Variants in STXBP6 observed in about 807,000 individuals in gnomAD.
STXBP6 encodes the protein syntaxin-binding protein 6.
A neutral mutation model predicts 26.9 loss-of-function variants in STXBP6; 21 were observed. The observed-to-expected ratio is 0.78, with a 90% CI of 0.55 to 1.12. The LOEUF is 1.12. STXBP6 is among the 50% of genes most tolerant of loss of function. The pLI is 0.00. For synonymous variants in STXBP6, 97 were observed against 92.6 expected (o/e 1.05, Z -0.27); for missense variants, 232 against 257.9 (o/e 0.90, Z 0.69).
chr14:24,830,462 G>C (rs1481426092), intron 4 of STXBP6, among the ~76,000 whole-genome samples: 4 of 152,126 alleles, frequency 2.6e-5, no homozygotes, highest in Admixed American at 1.3e-4. Flanking sequence ...TGAGGGAAAA[G>C]GAAGAATACT....
At chr14:24,963,505 T>A (rs368331929) in intron 2 of STXBP6, among the ~76,000 whole-genome samples, 2 of 152,238 alleles carry the variant, frequency 1.3e-5, no homozygotes, top group African/African-American at 4.8e-5. Flanking sequence ...ATAATTTGTG[T>A]GAAAAGGGTG....
intron 2 of STXBP6, among the ~76,000 whole-genome samples, chr14:24,875,846 G>A (rs1013545268): frequency 3.9e-5 from 6 of 152,102 alleles, no homozygotes; most frequent in African/African-American, 1.4e-4. Flanking sequence ...GTTGAGGGGT[G>A]GAAATAGGTA....
At chr14:24,903,529 TTAA>T (rs1260621662) in intron 2 of STXBP6, among the ~76,000 whole-genome samples, 6 of 152,234 alleles carry the variant, frequency 3.9e-5, no homozygotes, top group Admixed American at 6.5e-5. Context: ...AACAAAGTTC[TTAA>T]TAAATATTTG....
At chr14:25,011,091 A>G (rs1256854206) in intron 1 of STXBP6, among the ~76,000 whole-genome samples, 1 of 152,254 alleles carries the variant, frequency 6.6e-6, no homozygotes, top group Non-Finnish European at 1.5e-5. Context: ...GCAAGGCTAC[A>G]GTGCAAAATG....
chr14:24,930,849 C>T (rs980502341), intron 2 of STXBP6, among the ~76,000 whole-genome samples: 6 of 151,818 alleles, frequency 4.0e-5, no homozygotes, highest in Non-Finnish European at 7.4e-5. Flanking sequence ...CGGTGGCTCA[C>T]GCCTGTAATC....
Position 24,974,830 on chromosome 14 carries a change from T to C in STXBP6, c.-12A>G. ...GATTTGGCACTCATTGTAGAACAAG[T>C]GAGGACAGCACGCAGTGAATCTTTT... On this transcript the variant is annotated 5_prime_UTR_variant, in exon 2 of 6. Coordinates refer to ENST00000323944, the MANE Select transcript of STXBP6 (RefSeq NM_001394410.1). The C allele has an allele frequency of 1.3e-6, 2 of 1,598,072 alleles. No homozygotes were observed. The highest frequency in any genetic ancestry group is 1.7e-6 in the Non-Finnish European group (2 of 1,170,800).
Position 25,049,241 on chromosome 14 carries a change from G to A in STXBP6, c.-33+637C>T. On this transcript the variant is annotated intron_variant, in intron 1 of 5. Coordinates refer to ENST00000323944, the MANE Select transcript of STXBP6 (RefSeq NM_001394410.1). This position sits in a 1 kb window ranked among gnomAD's most constrained non-coding sequence, Gnocchi z 5.6. ...CCACGTTGCCCGGCGGTGTTGGTGA[G>A]GCTCGATGCCGGCGTGCACGGCAAG... 4 of 985,472 alleles carry A rather than the reference G, an allele frequency of 4.1e-6. No homozygotes were observed. Among genetic ancestry groups the A allele is most frequent in the Non-Finnish European group, 4.8e-6 (4 of 829,974 alleles). 61.0% of individuals were successfully genotyped at this position (985,472 alleles called of 1,614,324 possible).
At chr14:24,817,649 T>G (rs1459950550) in intron 5 of STXBP6, 1 of 165,586 alleles carries the variant, frequency 6.0e-6, no homozygotes, top group African/African-American at 2.4e-5. Context: ...ATGCCAGCAT[T>G]TCCATGTCAT....
intron 2 of STXBP6, among the ~76,000 whole-genome samples, chr14:24,885,586 C>T (rs1351967092): frequency 1.3e-5 from 2 of 152,234 alleles, no homozygotes; most frequent in African/African-American, 2.4e-5. Context: ...AGCTCTGGTT[C>T]TTCTAGTTTC....
intron 1 of STXBP6, among the ~76,000 whole-genome samples, chr14:25,038,280 G>A (rs908760284): frequency 6.6e-6 from 1 of 152,154 alleles, no homozygotes; most frequent in African/African-American, 2.4e-5. Context: ...TACCTGATAG[G>A]AGTGTGAAGA....
rs753413417 is a variant in STXBP6 at position 24,996,864 on chromosome 14, C to CAAAAA, written c.-32-22019_-32-22015dup. Among the ~76,000 whole-genome samples the CAAAAA allele has an allele frequency of 7.6e-3, 459 of 60,638 alleles. 16 individuals carry two copies. Among genetic ancestry groups the CAAAAA allele is most frequent in the Middle Eastern group, 0.025 (2 of 80 alleles). 39.8% of individuals were successfully genotyped at this position (60,638 alleles called of 152,430 possible). A position where few individuals can be genotyped will look rare whatever the true frequency, so the allele number is the denominator to read the frequency against. ...GAGAGAAATGAGTGAAACTCTGTCTCAAAAAAAAAAAAAAAAAAAAAAGAG... is the reference window on the plus strand; with the variant it reads ...GAGAGAAATGAGTGAAACTCTGTCTCAAAAAAAAAAAAAAAAAAAAAAAAAAAGAG... On this transcript the variant is annotated intron_variant, in intron 1 of 5. Transcript: ENST00000323944.
chr14:24,913,991 G>T (rs954054600), intron 2 of STXBP6, among the ~76,000 whole-genome samples: 17 of 152,132 alleles, frequency 1.1e-4, no homozygotes, highest in African/African-American at 4.1e-4. Flanking sequence ...AGCAACTCAG[G>T]CTTAGCGGGA....
intron 2 of STXBP6, among the ~76,000 whole-genome samples, chr14:24,899,803 A>AAAAAAAGC (rs2071144345): frequency 1.2e-5 from 1 of 80,118 alleles, no homozygotes; most frequent in Non-Finnish European, 2.2e-5. Context: ...AAAAAAAGCA[A>AAAAAAAGC]AAAAAAAAAA....
chr14:24,841,857 T>C (rs545601561), intron 4 of STXBP6, among the ~76,000 whole-genome samples: 449 of 152,324 alleles, frequency 2.9e-3, no homozygotes, highest in African/African-American at 0.01. Flanking sequence ...AAAGTCATTA[T>C]TGGAGTTCAT....
At chr14:24,933,460 G>T (rs2072493847) in intron 2 of STXBP6, among the ~76,000 whole-genome samples, 1 of 152,180 alleles carries the variant, frequency 6.6e-6, no homozygotes, top group Non-Finnish European at 1.5e-5. Flanking sequence ...AGGGGTAGGA[G>T]ACAGCAAGGA....
chr14:24,991,044 G>A (rs915497975), intron 1 of STXBP6, among the ~76,000 whole-genome samples: 2 of 151,290 alleles, frequency 1.3e-5, no homozygotes, highest in Non-Finnish European at 3.0e-5. Context: ...GAAGAGAGAG[G>A]AGAGCAGACA....
chr14:25,041,371 G>A (rs1241202598), intron 1 of STXBP6, among the ~76,000 whole-genome samples: 1 of 152,144 alleles, frequency 6.6e-6, no homozygotes, highest in African/African-American at 2.4e-5. Flanking sequence ...TATTGTTATA[G>A]TGGATAAGGA....
chr14:24,990,269 G>C (rs1021529348), intron 1 of STXBP6, among the ~76,000 whole-genome samples: 2 of 152,084 alleles, frequency 1.3e-5, no homozygotes, highest in African/African-American at 4.8e-5. Flanking sequence ...GCACCACATG[G>C]GTATGCTTCC....
intron 1 of STXBP6, among the ~76,000 whole-genome samples, chr14:25,032,927 G>T (rs1325789077): frequency 6.6e-6 from 1 of 152,144 alleles, no homozygotes; most frequent in Admixed American, 6.6e-5. Context: ...TGCATTGGGG[G>T]TTGTACTACA....
Sources: gnomAD v4.1 joint callset for allele counts (sites outside exome capture counted in the v4.1 genomes callset) on GRCh38, gnomAD v4.1.1 for gene constraint, Gnocchi (gnomAD v3.1) non-coding constraint, MANE v1.5 for transcripts, NCBI Gene and HGNC (gene_info 2026-07-23, HGNC 2026-07-21) for gene names.